Variants in MCTP2 observed in about 807,000 individuals in gnomAD.
The protein encoded by MCTP2 is multiple C2 and transmembrane domain-containing protein 2.
Under a neutral mutation model 111.6 loss-of-function variants are expected in MCTP2, and 132 were observed. That is an observed-to-expected ratio of 1.18 (90% CI 1.03 to 1.37). The LOEUF (loss-of-function observed/expected upper bound fraction) is 1.37. Ranked by LOEUF, MCTP2 falls within the 40% of genes most tolerant of loss-of-function variation. The pLI is 0.00. For missense variants in MCTP2, 1,183 were observed against 1,067.9 expected (o/e 1.11, Z -1.50); for synonymous variants, 395 against 387.7 (o/e 1.02, Z -0.22).
At position 94,370,055 on chromosome 15, in the gene MCTP2, G is replaced by A. The variant is rs745441730; in HGVS notation, c.1489-32G>A. ...ACATTAAGTAGTATATTAAAAAGCT[G>A]TTTTCACTTGTATCACCTTTTCAAC... On this transcript the variant is annotated intron_variant, in intron 11 of 22. Transcript: ENST00000357742. 3 of 1,526,132 alleles carry A rather than the reference G, an allele frequency of 2.0e-6. No individual in the cohort carries two copies. The South Asian group carries it at 3.5e-5, about 18-fold the overall frequency. The allele number at this position is 1,526,132 out of a possible 1,614,324, so 94.5% of individuals were successfully genotyped here. A position where few individuals can be genotyped will look rare whatever the true frequency, so the allele number is the denominator to read the frequency against.
intron 1 of MCTP2, among the ~76,000 whole-genome samples, chr15:94,239,155 T>C (rs923521640): frequency 6.6e-6 from 1 of 152,176 alleles, no homozygotes; most frequent in Non-Finnish European, 1.5e-5. Context: ...TTATGAAGCA[T>C]GTTTGGATTT....
chr15:94,295,018 C>T (rs2075204551), intron 1 of MCTP2, among the ~76,000 whole-genome samples: 1 of 130,316 alleles, frequency 7.7e-6, no homozygotes, highest in South Asian at 2.7e-4. Context: ...GGCGCAATCT[C>T]AGCTCACTGC....
intron 1 of MCTP2, among the ~76,000 whole-genome samples, chr15:94,249,616 G>C (rs1009916551): frequency 6.6e-6 from 1 of 151,940 alleles, no homozygotes. Flanking sequence ...CTCTTGAGTA[G>C]CTGGGACTAC....
chr15:94,451,092 G>A (rs528477827), intron 19 of MCTP2, among the ~76,000 whole-genome samples: 74 of 152,180 alleles, frequency 4.9e-4, no homozygotes, highest in African/African-American at 1.6e-3. Flanking sequence ...AAGAACAATT[G>A]TGTTACAACA....
chr15:94,412,488 T>A (rs889186475), intron 17 of MCTP2, among the ~76,000 whole-genome samples: 2 of 152,124 alleles, frequency 1.3e-5, no homozygotes, highest in Non-Finnish European at 2.9e-5. Context: ...TCCATGGTGA[T>A]GAGAGTAATG....
At position 94,470,401 on chromosome 15, in the gene MCTP2, T is replaced by C. The variant is rs1221408749; in HGVS notation, c.2429T>C (p.Ile810Thr). ...TTGATTCTGGCAGCAGCCACCATCA[T>C]TTTGTATTTCATTCCACTGCGGTAC... is the stretch of plus-strand genomic sequence containing the variant. ...ACLILAAATIILYFIPLRYII... is the reference protein window; with the variant it reads ...ACLILAAATITLYFIPLRYII... Residue 810 changes from isoleucine to threonine, a missense_variant, in exon 21 of 23, where the codon ATT (isoleucine) becomes ACT (threonine). By Grantham distance (89) the Ile-to-Thr change is moderately conservative. Coordinates refer to ENST00000357742, the MANE Select transcript of MCTP2 (RefSeq NM_001385001.1). The C allele has an allele frequency of 3.1e-6, 5 of 1,613,798 alleles. No homozygotes were observed. Among genetic ancestry groups the C allele is most frequent in the Non-Finnish European group, 4.2e-6 (5 of 1,179,778 alleles).
chr15:94,371,313 A>T (rs575800507), intron 12 of MCTP2, among the ~76,000 whole-genome samples: 14 of 152,266 alleles, frequency 9.2e-5, no homozygotes, highest in African/African-American at 3.4e-4. Context: ...ATTATTGCAA[A>T]TGTTTGTAAT....
At chr15:94,311,275 C>T (rs1567389079) in intron 2 of MCTP2, among the ~76,000 whole-genome samples, 7 of 151,172 alleles carry the variant, frequency 4.6e-5, no homozygotes. Context: ...GATCCGCCCA[C>T]CTTGGCCTCC....
chr15:94,307,741 G>A (rs1326661881), intron 2 of MCTP2, among the ~76,000 whole-genome samples: 2 of 152,156 alleles, frequency 1.3e-5, no homozygotes, highest in African/African-American at 2.4e-5. Context: ...TTGGACAAAA[G>A]ATATGGAGAA....
intron 4 of MCTP2, among the ~76,000 whole-genome samples, chr15:94,330,888 CCAT>C (rs1169630113): frequency 2.0e-5 from 3 of 151,786 alleles, no homozygotes; most frequent in Admixed American, 1.3e-4. Context: ...CTGCGCACCA[CCAT>C]GACTGGCTAA....
chr15:94,321,531 A>G (rs1010599425), intron 4 of MCTP2, among the ~76,000 whole-genome samples: 1 of 152,228 alleles, frequency 6.6e-6, no homozygotes, highest in Admixed American at 6.5e-5. Flanking sequence ...CAAGTTGGCC[A>G]TGTTCTTGAC....
intron 2 of MCTP2, among the ~76,000 whole-genome samples, chr15:94,310,045 C>G (rs1004590617): frequency 6.6e-6 from 1 of 152,160 alleles, no homozygotes; most frequent in Non-Finnish European, 1.5e-5. Flanking sequence ...TGAGTATGTA[C>G]TTGTACAAAA....
intron 1 of MCTP2, among the ~76,000 whole-genome samples, chr15:94,242,395 G>A (rs1339693421): frequency 6.6e-6 from 1 of 152,114 alleles, no homozygotes; most frequent in African/African-American, 2.4e-5. Context: ...GGAAAAGAGG[G>A]AGTCTGGATT....
At chr15:94,342,141 G>A (rs185330524) in intron 7 of MCTP2, 1 of 152,148 alleles carries the variant, frequency 6.6e-6, no homozygotes, top group African/African-American at 2.4e-5. Flanking sequence ...AGTGGGGCTT[G>A]TAAAGGTAGT....
At chr15:94,407,626 C>T (rs1355323932) in intron 17 of MCTP2, among the ~76,000 whole-genome samples, 2 of 152,132 alleles carry the variant, frequency 1.3e-5, no homozygotes, top group African/African-American at 4.8e-5. Flanking sequence ...ACTGTCCACT[C>T]GCTTGGTAAT....
intron 1 of MCTP2, among the ~76,000 whole-genome samples, chr15:94,260,201 G>A (rs1432527436): frequency 2.0e-5 from 3 of 152,120 alleles, no homozygotes; most frequent in Non-Finnish European, 4.4e-5. Context: ...TTCCTCAGGG[G>A]CAATAAGGGT....
At chr15:94,272,751 CTA>C (rs1228069137) in intron 1 of MCTP2, among the ~76,000 whole-genome samples, 5 of 151,582 alleles carry the variant, frequency 3.3e-5, no homozygotes, top group Non-Finnish European at 7.4e-5. Flanking sequence ...CCCTCTCTGG[CTA>C]TGTCTTTCTA....
At chr15:94,232,228 A>G (rs1009202105) in intron 1 of MCTP2, among the ~76,000 whole-genome samples, 1 of 152,230 alleles carries the variant, frequency 6.6e-6, no homozygotes, top group Non-Finnish European at 1.5e-5. Flanking sequence ...AGTTTCCGCA[A>G]TTAGTTCCCT....
chr15:94,405,856 A>C (rs1476684511), intron 17 of MCTP2, among the ~76,000 whole-genome samples: 1 of 152,126 alleles, frequency 6.6e-6, no homozygotes, highest in African/African-American at 2.4e-5. Context: ...TCTAAGGTTT[A>C]CTTAGTTATA....
Sources: allele counts gnomAD v4.1 joint callset (sites outside exome capture counted in the v4.1 genomes callset), GRCh38; gene constraint gnomAD v4.1.1; transcripts MANE v1.5; gene names NCBI Gene and HGNC (gene_info 2026-07-23, HGNC 2026-07-21).